The following SANBR variants were observed in gnomAD, a reference collection of about 807,000 sequenced individuals.
The protein encoded by SANBR is SANT and BTB domain regulator of class switch recombination.
Under a neutral mutation model 101.8 loss-of-function variants are expected in SANBR, and 77 were observed. That is an observed-to-expected ratio of 0.76 (90% CI 0.63 to 0.91). The LOEUF (loss-of-function observed/expected upper bound fraction) is 0.91, where lower values mean the gene tolerates loss of function less well. Among genes scored for constraint, SANBR ranks in the 40% least tolerant of loss-of-function variants. The probability of loss-of-function intolerance (pLI) is 0.00; values close to 1 mark genes in which losing one functional copy is unlikely to be tolerated. For missense variants in SANBR, 875 were observed against 853.0 expected (o/e 1.03, Z -0.32); for synonymous variants, 279 against 274.7 (o/e 1.02, Z -0.15).
chr2:61,137,819 A>C (rs918968214), exon 22 of SANBR: 1 of 152,184 alleles, frequency 6.6e-6, no homozygotes, highest in African/African-American at 2.4e-5. Flanking sequence ...ATGCCCATGC[A>C]TGTTGTTATA....
At chr2:61,103,795 C>A in intron 12 of SANBR, 58 bp from the exon 13 acceptor site, 1 of 1,497,016 alleles carries the variant, frequency 6.7e-7, no homozygotes, top group Non-Finnish European at 9.2e-7. Context: ...AAACAGTGAT[C>A]TTTAAAGGAG....
At position 61,122,470 on chromosome 2, in the gene SANBR, T is replaced by TA; in HGVS notation, c.*311dup. 1 of 1,075,936 alleles carries TA rather than the reference T, an allele frequency of 9.3e-7. No homozygotes were observed. The highest frequency in any genetic ancestry group is 1.1e-6 in the Non-Finnish European group (1 of 889,522). 66.6% of individuals were successfully genotyped at this position (1,075,936 alleles called of 1,614,324 possible). On this transcript the variant is annotated 3_prime_UTR_variant, in exon 22 of 22. Coordinates refer to ENST00000402291, the MANE Select transcript of SANBR (RefSeq NM_001129993.3). ...TTTATTTATTTGAAAAAGAAAGGCC[T>TA]AAACTGTCAGGTAGCCAAGTTTTTT...
At chr2:61,118,840 G>A (rs778932589) in intron 20 of SANBR, among the ~76,000 whole-genome samples, 12 of 152,120 alleles carry the variant, frequency 7.9e-5, no homozygotes, top group Admixed American at 2.6e-4. Flanking sequence ...GATTATAGGC[G>A]TGAGCCACAA....
At chr2:61,106,734 T>C in intron 14 of SANBR, 72 bp downstream of exon 14, 1 of 947,870 alleles carries the variant, frequency 1.1e-6, no homozygotes, top group Non-Finnish European at 1.6e-6. Context: ...GACAGGAACC[T>C]GATCAGTTTA....
intron 12 of SANBR, among the ~76,000 whole-genome samples, chr2:61,098,172 C>A (rs1284257204): frequency 6.7e-6 from 1 of 150,254 alleles, no homozygotes; most frequent in Non-Finnish European, 1.5e-5. Flanking sequence ...GGTGCCATCT[C>A]GGCTCACTCC....
Position 61,116,062 on chromosome 2 carries a change from T to A in SANBR, c.1828T>A (p.Leu610Met). ...SPCAQRKEKA[L>M]EKSASRDVSP... is the part of the protein sequence containing the mutation. ...CTGTGCCCAGAGGAAAGAAAAGGCA[T>A]TGGAGAAGGTAACTCTGAATTATCT... Residue 610 changes from leucine (L) to methionine (M), a missense_variant, in exon 17 of 22, where the codon TTG becomes ATG. Physicochemically the swap from Leu to Met is conservative, Grantham distance 15. Transcript: ENST00000402291. 6.2e-7 allele frequency: 1 copy of A among 1,602,606 alleles called. No homozygotes were observed. The highest frequency in any genetic ancestry group is 1.1e-5 in the South Asian group (1 of 89,522).
intron 8 of SANBR, 90 bp downstream of exon 8, chr2:61,083,404 C>G: frequency 1.1e-6 from 1 of 927,836 alleles, no homozygotes; most frequent in Non-Finnish European, 1.6e-6. Flanking sequence ...TTTCTTTTTT[C>G]TTTTTTCTTT....
chr2:61,129,459 GA>G lies in SANBR; in HGVS notation c.2029-4671del, dbSNP rs566848603. 2.8e-3 allele frequency among the ~76,000 whole-genome samples: 418 copies of G among 149,476 alleles called. 1 individual carries two copies. The highest frequency in any genetic ancestry group is 9.5e-3 in the African/African-American group (389 of 40,754). On this transcript the variant is annotated intron_variant, in intron 20 of 21. Transcript: ENST00000295031. ...AACTCCATCTCAAAAAAAAAAACAAGAAAAAAAGTTATTGAGGCTGAAACAA... is the reference window on the plus strand; with the variant it reads ...AACTCCATCTCAAAAAAAAAAACAAGAAAAAAGTTATTGAGGCTGAAACAA...
intron 10 of SANBR, among the ~76,000 whole-genome samples, chr2:61,089,859 C>T (rs1291588831): frequency 6.6e-6 from 1 of 152,142 alleles, no homozygotes; most frequent in Non-Finnish European, 1.5e-5. Flanking sequence ...GTGGTGCAAT[C>T]ATAGCTCACT....
chr2:61,090,894 A>T lies in SANBR; in HGVS notation c.1089-1570A>T, dbSNP rs577574988. On this transcript the variant is annotated intron_variant, in intron 10 of 21. Transcript: ENST00000402291. ...CCTGGCAGATGTATACATTTAAAAA[A>T]TTGTTTTAAAATTCCTTTTTTTTTT... Among the ~76,000 whole-genome samples, 373 of 151,456 alleles carry T rather than the reference A, an allele frequency of 2.5e-3. 1 individual carries two copies. Among genetic ancestry groups the T allele is most frequent in the Non-Finnish European group, 3.2e-3 (218 of 67,912 alleles).
intron 1 of SANBR, 82 bp downstream of exon 1, chr2:61,066,109 G>C (rs960451435): frequency 2.6e-5 from 4 of 152,156 alleles, no homozygotes; most frequent in Admixed American, 6.6e-5. Flanking sequence ...ACAGCCAGCC[G>C]GCTCCCGCCG....
In SANBR at chr2:61,076,958, A is replaced by T; in HGVS notation, c.470A>T (p.Asn157Ile). ...ATCCATGTGTGTGATGAAGCAAAAA[A>T]CTTGAAAGAAGATTTTACTTGCCCG... Reference protein sequence around the residue: ...MVIHVCDEAKNLKEDFTCPRD... With the variant: ...MVIHVCDEAKILKEDFTCPRD... Residue 157 changes from asparagine to isoleucine, a missense_variant, in exon 6 of 22, where the codon AAC becomes ATC. Transcript: ENST00000402291. The T allele has an allele frequency of 6.2e-7, 1 of 1,614,116 alleles. No individual in the cohort carries two copies. Among genetic ancestry groups the T allele is most frequent in the Non-Finnish European group, 8.5e-7 (1 of 1,179,988 alleles).
In SANBR at chr2:61,123,805, CT is replaced by C. The variant is rs1414952123; in HGVS notation, c.*1647del. 1 of 985,274 alleles carries C rather than the reference CT, an allele frequency of 1.0e-6. No individual in the cohort carries two copies. The highest frequency in any genetic ancestry group is 1.7e-5 in the African/African-American group (1 of 57,230). 61.0% of individuals were successfully genotyped at this position (985,274 alleles called of 1,614,324 possible). Reference sequence around the variant, plus strand: ...TCAGAATTTGATTCTCTTCAGAATGCTTTTGGCCAGGTGTAGTGGCTCACGC... The same window carrying C: ...TCAGAATTTGATTCTCTTCAGAATGCTTTGGCCAGGTGTAGTGGCTCACGC... On this transcript the variant is annotated 3_prime_UTR_variant, in exon 22 of 22. Coordinates refer to ENST00000402291, the MANE Select transcript of SANBR (RefSeq NM_001129993.3).
chr2:61,081,455 C>A lies in SANBR; in HGVS notation c.674C>A (p.Pro225Gln). The change falls in exon 7 of 22, where the codon CCA becomes CAA. Residue 225 changes from proline (P) to glutamine (Q), a missense_variant. By Grantham distance (76) the Pro-to-Gln change is moderately conservative. Transcript: ENST00000402291. Reference protein sequence around the residue: ...NKDCEMPTLEPGNVISILISS... With the variant: ...NKDCEMPTLEQGNVISILISS... Reference sequence around the variant, plus strand: ...TCTAATTTTTTTTTTTTTTTAGAGCCAGGAAATGTCATTTCAATTCTTATT... The same window carrying A: ...TCTAATTTTTTTTTTTTTTTAGAGCAAGGAAATGTCATTTCAATTCTTATT... 1 of 1,572,494 alleles carries A rather than the reference C, an allele frequency of 6.4e-7. No individual in the cohort carries two copies. The highest frequency in any genetic ancestry group is 2.3e-5 in the East Asian group (1 of 43,158).
chr2:61,126,132 C>G (rs1390920323), downstream of SANBR, among the ~76,000 whole-genome samples: 1 of 152,214 alleles, frequency 6.6e-6, no homozygotes, highest in Non-Finnish European at 1.5e-5. Flanking sequence ...CTTCCCATTC[C>G]TGCCCCCAAA....
chr2:61,081,808 C>T (rs1682147222), intron 7 of SANBR, among the ~76,000 whole-genome samples: 1 of 151,958 alleles, frequency 6.6e-6, no homozygotes, highest in Non-Finnish European at 1.5e-5. Context: ...GCCACTACGC[C>T]CAGCTAATTT....
chr2:61,100,855 C>T (rs897931536), intron 12 of SANBR, among the ~76,000 whole-genome samples: 1 of 152,130 alleles, frequency 6.6e-6, no homozygotes, highest in Non-Finnish European at 1.5e-5. Context: ...CAATATAATT[C>T]AACATGCCTG....
chr2:61,075,328 A>G (rs745417313), intron 5 of SANBR, among the ~76,000 whole-genome samples: 17 of 151,816 alleles, frequency 1.1e-4, no homozygotes, highest in Non-Finnish European at 2.2e-4. Flanking sequence ...TGTTATCACG[A>G]CTCACTGGAG....
intron 20 of SANBR, among the ~76,000 whole-genome samples, chr2:61,129,444 CAAA>C: frequency 6.9e-6 from 1 of 143,978 alleles, no homozygotes; most frequent in African/African-American, 2.5e-5. Flanking sequence ...AACTCCATCT[CAAA>C]AAAAAAAACA....
Sources: allele counts gnomAD v4.1 joint callset (sites outside exome capture counted in the v4.1 genomes callset), GRCh38; gene constraint gnomAD v4.1.1; transcripts MANE v1.5; gene names NCBI Gene and HGNC (gene_info 2026-07-23, HGNC 2026-07-21).